ARIH1: variants seen among roughly 807,000 people sequenced by gnomAD.
ARIH1 encodes the protein E3 ubiquitin-protein ligase ARIH1.
In ARIH1, 8 loss-of-function variants were observed where a neutral mutation model predicts 85.0. The observed-to-expected ratio is 0.09, with a 90% CI of 0.06 to 0.17. ARIH1 has a LOEUF of 0.17. Among genes scored for constraint, ARIH1 ranks in the 10% least tolerant of loss-of-function variants. ARIH1 has a pLI of 1.00. For synonymous variants in ARIH1, 238 were observed against 253.6 expected, an observed-to-expected ratio of 0.94 and a Z score of 0.59; for missense variants, 311 against 718.1, an observed-to-expected ratio of 0.43 and a Z score of 6.48.
rs185438564 is a variant in ARIH1, at chr15:72,475,299, C to T, written c.375+285C>T. 4.5e-3 allele frequency: 2,177 copies of T among 484,630 alleles called. 11 individuals carry two copies. The highest frequency in any genetic ancestry group is 6.1e-3 in the Non-Finnish European group (1,860 of 304,298). The allele number at this position is 484,630 out of a possible 1,614,324, so 30.0% of individuals were successfully genotyped here. ...TCTCTTGCGGGCAATTTCTGCCAGT[C>T]CCTGGGCCGGGTGTCCTTTCTCTGG... On this transcript the variant is annotated intron_variant, in intron 1 of 13. Transcript: ENST00000379887.
chr15:72,476,357 T>A (rs765106278), intron 1 of ARIH1, among the ~76,000 whole-genome samples: 2 of 152,242 alleles, frequency 1.3e-5, no homozygotes, highest in Non-Finnish European at 1.5e-5. Flanking sequence ...AGTTGAGGAT[T>A]GTAGAAGATA....
chr15:72,489,506 A>G (rs542388319), intron 1 of ARIH1, among the ~76,000 whole-genome samples: 53 of 152,318 alleles, frequency 3.5e-4, no homozygotes, highest in African/African-American at 1.2e-3. Context: ...GTAAAAAAAT[A>G]CGTTTCACTT....
At chr15:72,527,320 C>G (rs1386026496) in intron 2 of ARIH1, among the ~76,000 whole-genome samples, 1 of 152,168 alleles carries the variant, frequency 6.6e-6, no homozygotes, top group Non-Finnish European at 1.5e-5. Context: ...GCATATGACA[C>G]CACAACTAAT....
intron 1 of ARIH1, among the ~76,000 whole-genome samples, chr15:72,482,954 C>T (rs1355650489): frequency 6.6e-6 from 1 of 151,686 alleles, no homozygotes; most frequent in Non-Finnish European, 1.5e-5. Context: ...GATCCTCTTA[C>T]CTCAGCCTCC....
intron 2 of ARIH1, among the ~76,000 whole-genome samples, chr15:72,519,475 G>GTTTTTTTTT (rs150165121): frequency 7.8e-3 from 487 of 62,570 alleles, no homozygotes; most frequent in African/African-American, 0.025. Context: ...TGTTTTTTTT[G>GTTTTTTTTT]TTTTTTTTTT....
rs148762304 is a variant in ARIH1, at chr15:72,601,510, C to T, written c.*18218C>T. 5.3e-5 allele frequency: 8 copies of T among 152,356 alleles called. No individual in the cohort carries two copies. The East Asian group carries it at 1.5e-3, about 29-fold the overall frequency. The allele number at this position is 152,356 out of a possible 1,614,324, so 9.4% of individuals were successfully genotyped here. The stretch of plus-strand genomic sequence containing the variant: ...CCTCAGGGCCTTTGCACAAGTTCTT[C>T]CTTTGCCTTAGAATTCTTTCCTGGC... On this transcript the variant is annotated 3_prime_UTR_variant, in exon 14 of 14. Coordinates refer to ENST00000379887, the MANE Select transcript of ARIH1 (RefSeq NM_005744.5).
chr15:72,524,149 A>C (rs1200116881), intron 2 of ARIH1, among the ~76,000 whole-genome samples: 1 of 151,556 alleles, frequency 6.6e-6, no homozygotes, highest in Admixed American at 6.6e-5. Context: ...GGGTTTCACC[A>C]TATTAGCTAA....
At position 72,575,380 on chromosome 15, in the gene ARIH1, GACTGGGCAACA is replaced by G. The variant is rs571338664; in HGVS notation, c.1215+3220_1215+3230del. On this transcript the variant is annotated intron_variant, in intron 11 of 13. Transcript: ENST00000379887. ...GATTGAGTGCGGGAGTTTGAGATCAGACTGGGCAACAACTGAGACCCTGTCTCTACAAAAAA... is the reference window on the plus strand; with the variant it reads ...GATTGAGTGCGGGAGTTTGAGATCAGACTGAGACCCTGTCTCTACAAAAAA... 2.8e-4 allele frequency among the ~76,000 whole-genome samples: 43 copies of G among 151,944 alleles called. No individual in the cohort carries two copies. The South Asian group carries it at 6.4e-3, about 23-fold the overall frequency.
intron 2 of ARIH1, among the ~76,000 whole-genome samples, chr15:72,537,838 C>G (rs1383134032): frequency 6.6e-6 from 1 of 152,040 alleles, no homozygotes; most frequent in Non-Finnish European, 1.5e-5. Flanking sequence ...CCATAAACTG[C>G]CATATGTGAG....
intron 2 of ARIH1, among the ~76,000 whole-genome samples, chr15:72,526,559 G>A (rs962409683): frequency 6.6e-6 from 1 of 152,060 alleles, no homozygotes; most frequent in Admixed American, 6.6e-5. Flanking sequence ...GTGAGACTCC[G>A]CCTTTAAAAA....
intron 1 of ARIH1, among the ~76,000 whole-genome samples, chr15:72,515,827 C>T (rs1313871171): frequency 6.6e-6 from 1 of 152,110 alleles, no homozygotes; most frequent in Non-Finnish European, 1.5e-5. Context: ...CAGCTGGGCC[C>T]ACAGACTTAG....
chr15:72,600,396 T>C lies in ARIH1; in HGVS notation c.*17104T>C, dbSNP rs962517123. 1 of 152,246 alleles carries C rather than the reference T, an allele frequency of 6.6e-6. No individual in the cohort carries two copies. Among genetic ancestry groups the C allele is most frequent in the African/African-American group, 2.4e-5 (1 of 41,464 alleles). The allele number at this position is 152,246 out of a possible 1,614,324, so 9.4% of individuals were successfully genotyped here. On this transcript the variant is annotated 3_prime_UTR_variant, in exon 14 of 14. Transcript: ENST00000379887. The stretch of plus-strand genomic sequence containing the variant: ...TCCTGTGAACATACTTCTTGTTTGT[T>C]TGTTTTACAGTGGATCTCACTCTGT...
intron 2 of ARIH1, among the ~76,000 whole-genome samples, chr15:72,531,483 G>T (rs2064056538): frequency 6.6e-6 from 1 of 152,086 alleles, no homozygotes; most frequent in African/African-American, 2.4e-5. Context: ...GGCCAGGCTG[G>T]TCTCGAACTC....
At chr15:72,548,566 A>G (rs1031136413) in intron 3 of ARIH1, among the ~76,000 whole-genome samples, 16 of 152,312 alleles carry the variant, frequency 1.1e-4, no homozygotes, top group Admixed American at 9.8e-4. Flanking sequence ...GTTGGCAAGT[A>G]AGGTAAGGCA....
rs1595878187 is a variant in ARIH1, at chr15:72,592,357, G to T, written c.*9065G>T. 1 of 152,202 alleles carries T rather than the reference G, an allele frequency of 6.6e-6. No homozygotes were observed. The highest frequency in any genetic ancestry group is 1.5e-5 in the Non-Finnish European group (1 of 68,042). The allele number at this position is 152,202 out of a possible 1,614,324, so 9.4% of individuals were successfully genotyped here. ...TCTCACTGAAGCAAAGAGATAATAG[G>T]CCAGTAAAGAGTGGGAGACAAACAC... On this transcript the variant is annotated 3_prime_UTR_variant, in exon 14 of 14. Coordinates refer to ENST00000379887, the MANE Select transcript of ARIH1 (RefSeq NM_005744.5).
At chr15:72,525,252 G>T (rs71397248) in intron 2 of ARIH1, among the ~76,000 whole-genome samples, 2 of 152,006 alleles carry the variant, frequency 1.3e-5, no homozygotes, top group Non-Finnish European at 2.9e-5. Flanking sequence ...AAATTTTTTC[G>T]TTTATAACAT....
intron 2 of ARIH1, among the ~76,000 whole-genome samples, chr15:72,524,067 C>T (rs1567346533): frequency 1.3e-5 from 2 of 150,586 alleles, no homozygotes; most frequent in Admixed American, 1.3e-4. Context: ...CTGCCTCAGC[C>T]TCCTGAGTAG....
chr15:72,543,505 A>G (rs967956807), intron 2 of ARIH1, among the ~76,000 whole-genome samples: 2 of 152,160 alleles, frequency 1.3e-5, no homozygotes, highest in Admixed American at 6.5e-5. Flanking sequence ...ATTTCGATTG[A>G]TAATATGATT....
chr15:72,519,475 G>GTGTTTTTTTTTTTTTTTTT (rs2063989343), intron 2 of ARIH1, among the ~76,000 whole-genome samples: 1 of 62,544 alleles, frequency 1.6e-5, no homozygotes, highest in African/African-American at 6.5e-5. Context: ...TGTTTTTTTT[G>GTGTTTTTTTTTTTTTTTTT]TTTTTTTTTT....
Sources: gnomAD v4.1 joint callset for allele counts (sites outside exome capture counted in the v4.1 genomes callset) on GRCh38, gnomAD v4.1.1 for gene constraint, MANE v1.5 for transcripts, NCBI Gene and HGNC (gene_info 2026-07-23, HGNC 2026-07-21) for gene names.